TMC7: variants seen among roughly 807,000 people sequenced by gnomAD.
TMC7 encodes the protein transmembrane channel like 7, also known as transmembrane channel-like protein 7.
TMC7 carries 54 observed loss-of-function variants against 82.9 expected under a neutral mutation model. The ratio of observed to expected loss-of-function variants is 0.65; its 90% confidence interval spans 0.52 to 0.82. The LOEUF (loss-of-function observed/expected upper bound fraction) is 0.82. Ranked by LOEUF, TMC7 falls within the 40% of genes least tolerant of loss-of-function variation. The pLI is 0.00. For missense variants in TMC7, 820 were observed against 901.2 expected (o/e 0.91, Z 1.15); for synonymous variants, 350 against 337.9 (o/e 1.04, Z -0.39).
intron 1 of TMC7, among the ~76,000 whole-genome samples, chr16:18,995,839 C>T (rs57689984): frequency 0.068 from 10,326 of 152,150 alleles, 1,167 homozygotes; most frequent in African/African-American, 0.24. Context: ...TTTCCAATGT[C>T]AGGAGTGGAC....
chr16:19,050,928 C>T (rs550856793), intron 12 of TMC7, among the ~76,000 whole-genome samples: 1 of 151,924 alleles, frequency 6.6e-6, no homozygotes, highest in East Asian at 1.9e-4. Flanking sequence ...TCTCTGTTGC[C>T]CAAGCTGGAA....
At chr16:18,986,550 G>C (rs933327954) in intron 1 of TMC7, among the ~76,000 whole-genome samples, 2 of 151,990 alleles carry the variant, frequency 1.3e-5, no homozygotes, top group Non-Finnish European at 2.9e-5. Flanking sequence ...GCTAGACTCT[G>C]TCTCAAAAAC....
chr16:19,024,444 C>T (rs1960127776), intron 5 of TMC7, among the ~76,000 whole-genome samples: 1 of 152,024 alleles, frequency 6.6e-6, no homozygotes, highest in African/African-American at 2.4e-5. Context: ...TGTGGTTTTT[C>T]ATTTTTTTAT....
Position 19,061,781 on chromosome 16 carries a change from A to G in TMC7, c.2110A>G (p.Ser704Gly), listed in dbSNP as rs1318686705. 4 of 1,613,372 alleles carry G rather than the reference A, an allele frequency of 2.5e-6. No homozygotes were observed. Among genetic ancestry groups the G allele is most frequent in the Non-Finnish European group, 8.5e-7 (1 of 1,179,642 alleles). Residue 704 changes from serine (S) to glycine (G), a missense_variant, in exon 16 of 16, where the codon AGT becomes GGT. Ser to Gly is a moderately conservative substitution (Grantham distance 56). This residue lies in a region of TMC7 where 170 missense variants were observed against 231.3 expected (regional missense o/e 0.74). Transcript: ENST00000304381. ...ATGTGAACTTATTATTTTTTAGGAA[A>G]GTCGTGACAAGTGCTACCTAATCCA... Reference protein sequence around the residue: ...IQLREQLSLESRDKCYLIQKL... With the variant: ...IQLREQLSLEGRDKCYLIQKL...
chr16:19,042,589 G>C (rs1596781699), intron 9 of TMC7, among the ~76,000 whole-genome samples: 1 of 150,582 alleles, frequency 6.6e-6, no homozygotes, highest in Admixed American at 6.6e-5. Context: ...CTCACTGCAA[G>C]CTCCGCCTCC....
chr16:19,038,000 TA>T lies in TMC7; in HGVS notation c.1133del (p.Tyr378LeufsTer5). 1 of 1,614,122 alleles carries T rather than the reference TA, an allele frequency of 6.2e-7. No individual in the cohort carries two copies. Among genetic ancestry groups the T allele is most frequent in the East Asian group, 2.2e-5 (1 of 44,882 alleles). On this transcript the variant is annotated frameshift_variant, in exon 8 of 16. Transcript: ENST00000304381. LOFTEE classifies it high-confidence loss of function. Reference protein sequence around the residue: ...IVLAVLGACFYAIYVATVFSQ... With the variant: ...IVLAVLGACFXAIYVATVFSQ... ...TCTGGCTGTTTTAGGGGCATGCTTT[TA>T]TGCAATATACGTAGCAACTGTCTTC...
chr16:18,988,366 G>T (rs1207163140), intron 1 of TMC7, among the ~76,000 whole-genome samples: 1 of 150,094 alleles, frequency 6.7e-6, no homozygotes, highest in Non-Finnish European at 1.5e-5. Context: ...TGTTGGCCAG[G>T]CTGGTCTCGA....
chr16:18,986,571 C>T (rs1344883595), intron 1 of TMC7, among the ~76,000 whole-genome samples: 1 of 152,068 alleles, frequency 6.6e-6, no homozygotes, highest in Non-Finnish European at 1.5e-5. Flanking sequence ...AGAAAAACAA[C>T]TTTCCGGTGG....
At chr16:19,037,605 G>A (rs982930055) in intron 7 of TMC7, among the ~76,000 whole-genome samples, 19 of 151,612 alleles carry the variant, frequency 1.3e-4, no homozygotes, top group African/African-American at 4.6e-4. Context: ...GAGTAGCAGC[G>A]ACTACAGGCA....
chr16:19,046,119 C>T (rs183938076), intron 11 of TMC7, among the ~76,000 whole-genome samples: 113 of 152,234 alleles, frequency 7.4e-4, no homozygotes, highest in African/African-American at 2.7e-3. Context: ...GAAATGGGGT[C>T]GCTTTCCATG....
At chr16:19,035,847 TGGTGG>T in intron 7 of TMC7, 24 bp downstream of exon 7, 1 of 1,550,002 alleles carries the variant, frequency 6.5e-7, no homozygotes, top group South Asian at 1.3e-5. Context: ...AGTTTGTCCG[TGGTGG>T]GGTCCTCACC....
chr16:19,051,378 G>A lies in TMC7; in HGVS notation c.1741-308G>A, dbSNP rs1344798317. On this transcript the variant is annotated intron_variant, in intron 12 of 15. Transcript: ENST00000304381. ...TAACTTGTCATTTAGCATTAGGTATGTCTCCTAATGCTATCCCTCCCCCCT... is the reference window on the plus strand; with the variant it reads ...TAACTTGTCATTTAGCATTAGGTATATCTCCTAATGCTATCCCTCCCCCCT... Among the ~76,000 whole-genome samples the A allele has an allele frequency of 3.3e-5, 5 of 151,270 alleles. No individual in the cohort carries two copies. The East Asian group carries it at 7.8e-4, about 24-fold the overall frequency.
chr16:19,019,145 C>T (rs919364538), intron 3 of TMC7, among the ~76,000 whole-genome samples: 7 of 152,188 alleles, frequency 4.6e-5, no homozygotes, highest in African/African-American at 7.2e-5. Context: ...CCACCACGCC[C>T]GGCCAGGATT....
intron 1 of TMC7, among the ~76,000 whole-genome samples, chr16:19,007,981 T>A (rs1463345251): frequency 6.6e-6 from 1 of 152,218 alleles, no homozygotes; most frequent in Non-Finnish European, 1.5e-5. Flanking sequence ...ATGAGGAAAC[T>A]GAGTCTTAGA....
chr16:19,039,092 C>CT (rs376747652), intron 8 of TMC7, among the ~76,000 whole-genome samples: 44,003 of 130,370 alleles, frequency 0.34, 8,011 homozygotes, highest in African/African-American at 0.38. Context: ...TTTCTTTTTT[C>CT]TTTTTTTTTT....
In TMC7 at chr16:19,063,869, CTT is replaced by C. The variant is rs1567535541; in HGVS notation, c.*2029_*2030del. 2.0e-5 allele frequency: 3 copies of C among 152,114 alleles called. No individual in the cohort carries two copies. Among genetic ancestry groups the C allele is most frequent in the Admixed American group, 6.5e-5 (1 of 15,270 alleles). 9.4% of individuals were successfully genotyped at this position (152,114 alleles called of 1,614,324 possible). ...ATAACTTCAGGTGATGTCTGTATAA[CTT>C]TTAAAGTGCAGCTCTCTCTAACAAA... is the stretch of plus-strand genomic sequence containing the variant. On this transcript the variant is annotated 3_prime_UTR_variant, in exon 16 of 16. Coordinates refer to ENST00000304381, the MANE Select transcript of TMC7 (RefSeq NM_024847.4).
chr16:19,037,747 A>T, intron 7 of TMC7, 127 bp from the exon 8 acceptor site: 1 of 1,015,824 alleles, frequency 9.8e-7, no homozygotes, highest in Non-Finnish European at 1.4e-6. Context: ...TGCTAGGGTT[A>T]CAGGAGTGAG....
chr16:18,984,997 C>T (rs2038819646), intron 1 of TMC7, among the ~76,000 whole-genome samples: 2 of 152,156 alleles, frequency 1.3e-5, no homozygotes, highest in African/African-American at 4.8e-5. Flanking sequence ...CGTGGTGGCT[C>T]ACGCCTGTAA....
At chr16:19,060,355 T>A (rs1961949004) in intron 15 of TMC7, among the ~76,000 whole-genome samples, 1 of 151,222 alleles carries the variant, frequency 6.6e-6, no homozygotes, top group Admixed American at 6.6e-5. Context: ...CAGGCGTGCA[T>A]CACCATGCCT....
Sources: gnomAD v4.1 joint callset for allele counts (sites outside exome capture counted in the v4.1 genomes callset) on GRCh38, gnomAD v4.1.1 for gene constraint, gnomAD v4.1.1 regional missense constraint, MANE v1.5 for transcripts, NCBI Gene and HGNC (gene_info 2026-07-23, HGNC 2026-07-21) for gene names.